The following TECRL variants were observed in gnomAD, a reference collection of about 807,000 sequenced individuals.
The protein encoded by TECRL is trans-2,3-enoyl-CoA reductase-like.
TECRL carries 63 observed loss-of-function variants against 52.8 expected under a neutral mutation model. That is an observed-to-expected ratio of 1.19 (90% confidence interval 0.97 to 1.47). The LOEUF (loss-of-function observed/expected upper bound fraction) is 1.47, where lower values mean the gene tolerates loss of function less well. Ranked by LOEUF, TECRL falls within the 40% of genes most tolerant of loss-of-function variation. TECRL has a pLI of 0.00. For synonymous variants in TECRL, 164 were observed against 141.9 expected (o/e 1.16, Z -1.10); for missense variants, 482 against 429.6 (o/e 1.12, Z -1.08).
chr4:64,342,861 C>T (rs1719685716), intron 2 of TECRL, among the ~76,000 whole-genome samples: 1 of 151,924 alleles, frequency 6.6e-6, no homozygotes, highest in Non-Finnish European at 1.5e-5. Context: ...AGCATTTCTG[C>T]TAAAACATGA....
intron 2 of TECRL, among the ~76,000 whole-genome samples, chr4:64,359,261 T>C (rs974746112): frequency 7.2e-5 from 11 of 152,022 alleles, no homozygotes; most frequent in South Asian, 4.1e-4. Flanking sequence ...TTTTATTACC[T>C]GTGTGTGTTT....
chr4:64,366,216 C>T (rs1241551861), intron 2 of TECRL, among the ~76,000 whole-genome samples: 2 of 151,986 alleles, frequency 1.3e-5, no homozygotes, highest in Admixed American at 6.6e-5. Flanking sequence ...CCTTCTTGCA[C>T]TATACACAAA....
chr4:64,356,562 G>A (rs1720787318), intron 2 of TECRL, among the ~76,000 whole-genome samples: 1 of 152,120 alleles, frequency 6.6e-6, no homozygotes, highest in Non-Finnish European at 1.5e-5. Flanking sequence ...GCATATCCAG[G>A]CATAGTACCT....
chr4:64,326,611 G>A (rs754191830), intron 3 of TECRL, among the ~76,000 whole-genome samples: 2 of 152,048 alleles, frequency 1.3e-5, no homozygotes, highest in Non-Finnish European at 2.9e-5. Flanking sequence ...AGGGGTGAGA[G>A]ACCACATTGA....
In TECRL at chr4:64,399,185, C is replaced by T. The variant is rs371149469; in HGVS notation, c.234+9933G>A. On this transcript the variant is annotated intron_variant, in intron 1 of 11. Transcript: ENST00000381210. The stretch of plus-strand genomic sequence containing the variant: ...CAGACAAACAGAAACTCAGAACCCA[C>T]GAGTGTATTCTCTCCCTGGGACACC... Among the ~76,000 whole-genome samples, 47 of 152,174 alleles carry T rather than the reference C, an allele frequency of 3.1e-4. 2 individuals carry two copies. The highest frequency in any genetic ancestry group is 1.1e-3 in the Admixed American group (17 of 15,278).
Position 64,346,847 on chromosome 4 carries a change from T to A in TECRL, c.287-18291A>T, listed in dbSNP as rs139397984. ...TAGTCTCCTGGATATGAAGGACTTTTTTCATATGTTTGCTTTTAGGTTCTT... is the reference window on the plus strand; with the variant it reads ...TAGTCTCCTGGATATGAAGGACTTTATTCATATGTTTGCTTTTAGGTTCTT... On this transcript the variant is annotated intron_variant, in intron 2 of 11. Coordinates refer to ENST00000381210, the MANE Select transcript of TECRL (RefSeq NM_001010874.5). Among the ~76,000 whole-genome samples the A allele has an allele frequency of 5.0e-3, 765 of 152,332 alleles. 5 individuals carry two copies. The highest frequency in any genetic ancestry group is 0.017 in the African/African-American group (725 of 41,576).
At chr4:64,379,243 C>CAT (rs1722609200) in intron 1 of TECRL, among the ~76,000 whole-genome samples, 7 of 80,914 alleles carry the variant, frequency 8.7e-5, no homozygotes, top group African/African-American at 3.1e-4. Flanking sequence ...CACACACACA[C>CAT]ACATACACAC....
chr4:64,377,526 G>A (rs915333371), intron 1 of TECRL, among the ~76,000 whole-genome samples: 2 of 151,734 alleles, frequency 1.3e-5, no homozygotes, highest in Non-Finnish European at 2.9e-5. Flanking sequence ...TATACAGATG[G>A]GAGTTATCTG....
In TECRL at chr4:64,314,390, T is replaced by A. The variant is rs10010349; in HGVS notation, c.551+258A>T. ...GAATTTCGCAGTTGCTCTTGACAGC[T>A]GTGATCATTGGTAAATTACCTCTAT... On this transcript the variant is annotated intron_variant, in intron 5 of 11. Coordinates refer to ENST00000381210, the MANE Select transcript of TECRL (RefSeq NM_001010874.5). Among the ~76,000 whole-genome samples the A allele has an allele frequency of 0.03, 4,493 of 152,272 alleles. 101 individuals are homozygous for A. The highest frequency in any genetic ancestry group is 0.064 in the African/African-American group (2,675 of 41,560).
intron 9 of TECRL, among the ~76,000 whole-genome samples, chr4:64,288,382 A>G (rs908030044): frequency 1.3e-5 from 2 of 152,076 alleles, no homozygotes; most frequent in East Asian, 3.9e-4. Flanking sequence ...ACTACAGGAG[A>G]AGTTGCTGAA....
chr4:64,336,703 T>C (rs1456577243), intron 2 of TECRL, among the ~76,000 whole-genome samples: 1 of 152,238 alleles, frequency 6.6e-6, no homozygotes, highest in Non-Finnish European at 1.5e-5. Flanking sequence ...TTCTGGTATG[T>C]TGTGTCTTTG....
downstream of TECRL, chr4:64,277,143 A>C (rs977756981): frequency 1.4e-5 from 12 of 846,800 alleles, no homozygotes; most frequent in African/African-American, 2.0e-4. Flanking sequence ...GTAAGGGAAT[A>C]ACTGATACAA....
intron 2 of TECRL, among the ~76,000 whole-genome samples, chr4:64,372,287 T>G (rs140417214): frequency 1.6e-4 from 24 of 151,936 alleles, no homozygotes; most frequent in African/African-American, 5.8e-4. Context: ...TCATGCATTT[T>G]AGCTGCATTA....
chr4:64,361,824 A>G, intron 2 of TECRL, among the ~76,000 whole-genome samples: 1 of 152,096 alleles, frequency 6.6e-6, no homozygotes, highest in East Asian at 1.9e-4. Context: ...TACCTCCAAA[A>G]ACCTGCACTA....
intron 2 of TECRL, among the ~76,000 whole-genome samples, chr4:64,365,624 A>C (rs2109634428): frequency 6.6e-6 from 1 of 152,248 alleles, no homozygotes; most frequent in Non-Finnish European, 1.5e-5. Context: ...ATACAATCTC[A>C]TTCACAATAG....
At chr4:64,383,331 A>T in intron 1 of TECRL, among the ~76,000 whole-genome samples, 1 of 152,076 alleles carries the variant, frequency 6.6e-6, no homozygotes, top group East Asian at 1.9e-4. Context: ...AATTTCAGCT[A>T]TTAGTTCATT....
chr4:64,368,004 G>C (rs914539078), intron 2 of TECRL, among the ~76,000 whole-genome samples: 1 of 151,894 alleles, frequency 6.6e-6, no homozygotes, highest in African/African-American at 2.4e-5. Context: ...TTATTAACCT[G>C]GTAGTGTTAA....
intron 2 of TECRL, among the ~76,000 whole-genome samples, chr4:64,350,849 T>G (rs974024181): frequency 2.6e-5 from 4 of 151,740 alleles, no homozygotes; most frequent in African/African-American, 9.7e-5. Context: ...CTCCAACTAA[T>G]TTAATAAATA....
intron 1 of TECRL, among the ~76,000 whole-genome samples, chr4:64,407,497 G>A (rs1724811304): frequency 6.6e-6 from 1 of 151,854 alleles, no homozygotes; most frequent in African/African-American, 2.4e-5. Context: ...GTGTGTGTGT[G>A]TGTGTGTGTG....
Sources: allele counts gnomAD v4.1 joint callset (sites outside exome capture counted in the v4.1 genomes callset), GRCh38; gene constraint gnomAD v4.1.1; transcripts MANE v1.5; gene names NCBI Gene and HGNC (gene_info 2026-07-23, HGNC 2026-07-21).